The following RBM47 variants were observed in gnomAD, a reference collection of about 807,000 sequenced individuals.
The protein encoded by RBM47 is RNA binding motif protein 47.
RBM47 carries 21 observed loss-of-function variants against 47.1 expected under a neutral mutation model. The observed-to-expected ratio is 0.45, with a 90% CI of 0.32 to 0.64. The LOEUF (loss-of-function observed/expected upper bound fraction) is 0.64, where lower values mean the gene tolerates loss of function less well. Among genes scored for constraint, RBM47 ranks in the 30% least tolerant of loss-of-function variants. The pLI is 0.05. For missense variants in RBM47, 708 were observed against 870.9 expected (o/e 0.81, Z 2.35); for synonymous variants, 375 against 361.7 (o/e 1.04, Z -0.42).
chr4:40,469,375 G>A (rs964356231), intron 2 of RBM47, among the ~76,000 whole-genome samples: 3 of 150,964 alleles, frequency 2.0e-5, no homozygotes, highest in Admixed American at 6.6e-5. Flanking sequence ...TAGGGTCAAT[G>A]TTTGTTTCCA....
chr4:40,588,532 T>C (rs1733811872), intron 1 of RBM47, among the ~76,000 whole-genome samples: 1 of 152,140 alleles, frequency 6.6e-6, no homozygotes, highest in Admixed American at 6.5e-5. Context: ...CATAAAAGAT[T>C]TGATTTCTGA....
intron 1 of RBM47, among the ~76,000 whole-genome samples, chr4:40,590,402 A>G (rs1000079679): frequency 6.6e-6 from 1 of 152,044 alleles, no homozygotes; most frequent in African/African-American, 2.4e-5. Context: ...TTAAAAAAAA[A>G]ACAAAAAAAC....
rs373497833 is a variant in RBM47, at chr4:40,555,229, G to A, written c.-239-10723C>T. Among the ~76,000 whole-genome samples the A allele has an allele frequency of 1.1e-4, 16 of 152,284 alleles. No homozygotes were observed. In the South Asian group the frequency reaches 1.9e-3, roughly 18 times the overall value. ...TTACAGGCGTGAGCCACCACACCCG[G>A]CTTAATTTTTGTATTTTTAATAGAG... On this transcript the variant is annotated intron_variant, in intron 1 of 6. Transcript: ENST00000295971.
intron 1 of RBM47, among the ~76,000 whole-genome samples, chr4:40,564,766 G>T (rs1173860824): frequency 2.6e-5 from 4 of 152,216 alleles, no homozygotes; most frequent in Non-Finnish European, 5.9e-5. Context: ...TTTTCAAAGA[G>T]AGGATATTAG....
At position 40,589,777 on chromosome 4, in the gene RBM47, T is replaced by C. The variant is rs568052425; in HGVS notation, c.-240+39619A>G. On this transcript the variant is annotated intron_variant, in intron 1 of 6. Transcript: ENST00000295971. Reference sequence around the variant, plus strand: ...TTAAAAGGGTGAATTGTACAACATATGAATAATATCTTAATAAAGCTGTTT... The same window carrying C: ...TTAAAAGGGTGAATTGTACAACATACGAATAATATCTTAATAAAGCTGTTT... 2.6e-4 allele frequency among the ~76,000 whole-genome samples: 40 copies of C among 152,318 alleles called. No homozygotes were observed. The South Asian group carries it at 7.3e-3, about 28-fold the overall frequency.
At chr4:40,462,094 C>T (rs1717227221) in intron 3 of RBM47, among the ~76,000 whole-genome samples, 1 of 152,180 alleles carries the variant, frequency 6.6e-6, no homozygotes, top group Non-Finnish European at 1.5e-5. Context: ...CTACTGTCAT[C>T]TCCAAGCCCG....
chr4:40,620,820 C>A (rs902314467), intron 1 of RBM47, among the ~76,000 whole-genome samples: 6 of 152,124 alleles, frequency 3.9e-5, no homozygotes, highest in Non-Finnish European at 7.4e-5. Flanking sequence ...AGGCGTGAGC[C>A]ACTGCACCCG....
chr4:40,451,939 G>A (rs908460523), intron 3 of RBM47, among the ~76,000 whole-genome samples: 2 of 152,206 alleles, frequency 1.3e-5, no homozygotes, highest in East Asian at 3.8e-4. Context: ...GGAGGCCAAG[G>A]CGGGCAGATT....
intron 1 of RBM47, among the ~76,000 whole-genome samples, chr4:40,572,919 A>T (rs1423559103): frequency 6.6e-6 from 1 of 151,710 alleles, no homozygotes; most frequent in East Asian, 1.9e-4. Context: ...TGGGAGGCCG[A>T]GGCGGGCGGA....
At chr4:40,606,603 T>A (rs974000773) in intron 1 of RBM47, among the ~76,000 whole-genome samples, 1 of 152,168 alleles carries the variant, frequency 6.6e-6, no homozygotes, top group Non-Finnish European at 1.5e-5. Flanking sequence ...AGATGAACTC[T>A]GAAGCCACAC....
intron 4 of RBM47, among the ~76,000 whole-genome samples, chr4:40,437,157 CATATAT>C (rs373275153): frequency 1.2e-4 from 8 of 67,116 alleles, no homozygotes; most frequent in African/African-American, 6.8e-4. Context: ...ATATAAAATA[CATATAT>C]ATATATATAA....
At chr4:40,448,133 T>C (rs1577657324) in intron 3 of RBM47, among the ~76,000 whole-genome samples, 1 of 152,030 alleles carries the variant, frequency 6.6e-6, no homozygotes, top group African/African-American at 2.4e-5. Flanking sequence ...GAGGCAGAGG[T>C]TGCAGTGAGC....
intron 1 of RBM47, among the ~76,000 whole-genome samples, chr4:40,624,478 A>G (rs1737548778): frequency 6.6e-6 from 1 of 152,238 alleles, no homozygotes; most frequent in Non-Finnish European, 1.5e-5. Context: ...AGCATGCTGC[A>G]GCCTTTTATA....
intron 3 of RBM47, among the ~76,000 whole-genome samples, chr4:40,448,271 G>T (rs528913993): frequency 5.3e-5 from 8 of 151,456 alleles, no homozygotes; most frequent in African/African-American, 1.9e-4. Flanking sequence ...GTGAGAGTGT[G>T]TGTGTGTGAG....
At chr4:40,599,150 T>G (rs889717356) in intron 1 of RBM47, among the ~76,000 whole-genome samples, 2 of 149,856 alleles carry the variant, frequency 1.3e-5, no homozygotes, top group African/African-American at 4.9e-5. Flanking sequence ...CCCAGCTACA[T>G]AGGAGGTTGA....
rs149714778 is a variant in RBM47 at position 40,602,283 on chromosome 4, A to G, written c.-240+27113T>C. On this transcript the variant is annotated intron_variant, in intron 1 of 6. Transcript: ENST00000295971. ...CATAGAGATGTTCTAAAGAGGAAAC[A>G]GAATGACTCCATATGGTTTGAATGT... Among the ~76,000 whole-genome samples the G allele has an allele frequency of 3.2e-4, 49 of 152,354 alleles. No individual in the cohort carries two copies. In the East Asian group the frequency reaches 8.1e-3, roughly 25 times the overall value.
At chr4:40,592,659 G>A (rs1290996716) in intron 1 of RBM47, among the ~76,000 whole-genome samples, 1 of 149,672 alleles carries the variant, frequency 6.7e-6, no homozygotes, top group Non-Finnish European at 1.5e-5. Context: ...CCCAACCTCA[G>A]GTGATCCGCC....
rs749970256 is a variant in RBM47 at position 40,438,844 on chromosome 4, C to A, written c.50G>T (p.Gly17Val). ...GCCCTCGGGCACCTTGGCGGAGGAC[C>A]CGGCGGCCGAGTCACTGCTCATGGC... ...TAAMSSDSAA[G>V]SSAKVPEGVA... Residue 17 changes from glycine to valine, a missense_variant, in exon 4 of 7, where the codon GGG becomes GTG. By Grantham distance (109) the Gly-to-Val change is moderately radical (BLOSUM62 -3). Coordinates refer to ENST00000295971, the MANE Select transcript of RBM47 (RefSeq NM_001098634.2). The A allele has an allele frequency of 1.9e-6, 3 of 1,558,386 alleles. No homozygotes were observed. Among genetic ancestry groups the A allele is most frequent in the East Asian group, 2.3e-5 (1 of 43,310 alleles).
chr4:40,578,325 C>T (rs1438456348), intron 1 of RBM47, among the ~76,000 whole-genome samples: 2 of 152,218 alleles, frequency 1.3e-5, no homozygotes, highest in African/African-American at 4.8e-5. Flanking sequence ...TAAGTTCTTT[C>T]CTTCTACTTT....
Sources: gnomAD v4.1 joint callset for allele counts (sites outside exome capture counted in the v4.1 genomes callset) on GRCh38, gnomAD v4.1.1 for gene constraint, MANE v1.5 for transcripts, NCBI Gene and HGNC (gene_info 2026-07-23, HGNC 2026-07-21) for gene names.